SYT9: variants seen among roughly 807,000 people sequenced by gnomAD.
SYT9 encodes the protein synaptotagmin-9.
SYT9 carries 22 observed loss-of-function variants against 48.4 expected under a neutral mutation model. The ratio of observed to expected loss-of-function variants is 0.45; its 90% CI spans 0.32 to 0.65. SYT9 has a LOEUF of 0.65. Ranked by LOEUF, SYT9 falls within the 30% of genes least tolerant of loss-of-function variation. The pLI, the probability that SYT9 is intolerant of heterozygous loss-of-function variation, is 0.03. For missense variants in SYT9, 577 were observed against 622.0 expected (o/e 0.93, Z 0.77); for synonymous variants, 265 against 245.0 (o/e 1.08, Z -0.76).
In SYT9 at chr11:7,347,236, A is replaced by ATT. The variant is rs33978026; in HGVS notation, c.1044+33306_1044+33307dup. Among the ~76,000 whole-genome samples the ATT allele has an allele frequency of 5.1e-3, 766 of 149,452 alleles. 13 individuals are homozygous for ATT. In the East Asian group the frequency reaches 0.054, roughly 11 times the overall value. On this transcript the variant is annotated intron_variant, in intron 3 of 6. Transcript: ENST00000318881. The stretch of plus-strand genomic sequence containing the variant: ...GCTTTCAAACCGTTTTCATCAAAAT[A>ATT]TTTTTTTTTTTTGAGATGAAGTCTC...
In SYT9 at chr11:7,391,735, TAAAAAAAAAAAA is replaced by T. The variant is rs71059104; in HGVS notation, c.1045-24288_1045-24277del. On this transcript the variant is annotated intron_variant, in intron 3 of 6. Transcript: ENST00000318881. ...GGACAACATGGTAAAACCCCATCTC[TAAAAAAAAAAAA>T]AAAAAAAAAAAAAAAAAACCTAGCT... Among the ~76,000 whole-genome samples, 6 of 35,940 alleles carry T rather than the reference TAAAAAAAAAAAA, an allele frequency of 1.7e-4. 1 individual carries two copies. The highest frequency in any genetic ancestry group is 2.1e-3 in the East Asian group (1 of 472). The allele number at this position is 35,940 out of a possible 152,430, so 23.6% of individuals were successfully genotyped here.
chr11:7,365,399 G>A (rs1850221562), intron 3 of SYT9, among the ~76,000 whole-genome samples: 1 of 152,126 alleles, frequency 6.6e-6, no homozygotes. Flanking sequence ...GTCTTTATGA[G>A]TCTAAACTAT....
At chr11:7,314,148 A>G (rs759629205) in intron 3 of SYT9, 17 of 703,316 alleles carry the variant, frequency 2.4e-5, no homozygotes, top group Non-Finnish European at 4.3e-5. Context: ...CATGAAAACA[A>G]TATTAAAGAA....
At chr11:7,296,977 C>T (rs1320865111) in intron 1 of SYT9, among the ~76,000 whole-genome samples, 1 of 151,884 alleles carries the variant, frequency 6.6e-6, no homozygotes. Flanking sequence ...ACTAAATTTC[C>T]CAGTATTATA....
chr11:7,358,153 C>T (rs1019590568), intron 3 of SYT9, among the ~76,000 whole-genome samples: 4 of 152,140 alleles, frequency 2.6e-5, no homozygotes, highest in South Asian at 2.1e-4. Context: ...GGTTAAAGAA[C>T]GACGAATACT....
At chr11:7,304,515 C>A (rs945899330) in intron 2 of SYT9, among the ~76,000 whole-genome samples, 1 of 152,156 alleles carries the variant, frequency 6.6e-6, no homozygotes, top group South Asian at 2.1e-4. Context: ...TCTCCAGAAA[C>A]AGAAATAAGA....
At chr11:7,247,598 C>CATATATACGTGTATATATGT (rs1847808348), upstream of SYT9, among the ~76,000 whole-genome samples, 1 of 142,356 alleles carries the variant, frequency 7.0e-6, no homozygotes, top group Non-Finnish European at 1.5e-5. Flanking sequence ...TGTATATATA[C>CATATATACGTGTATATATGT]GTATATATAC....
At chr11:7,398,992 G>C (rs1046661119) in intron 3 of SYT9, among the ~76,000 whole-genome samples, 1 of 151,918 alleles carries the variant, frequency 6.6e-6, no homozygotes, top group Admixed American at 6.6e-5. Context: ...CTCCATATAG[G>C]GCCAAGACAT....
upstream of SYT9, among the ~76,000 whole-genome samples, chr11:7,251,128 A>ACC (rs1554895811): frequency 3.2e-5 from 4 of 126,482 alleles, no homozygotes; most frequent in African/African-American, 1.1e-4. Flanking sequence ...ACACACACAC[A>ACC]CACACCCAGA....
intron 6 of SYT9, chr11:7,427,516 A>G (rs1192024898): frequency 1.3e-5 from 2 of 152,202 alleles, no homozygotes; most frequent in Non-Finnish European, 2.9e-5. Flanking sequence ...AGAGATCCCA[A>G]TGGTGAATGG....
chr11:7,382,882 G>A (rs116788673), intron 3 of SYT9, among the ~76,000 whole-genome samples: 225 of 152,318 alleles, frequency 1.5e-3, no homozygotes, highest in African/African-American at 5.1e-3. Context: ...ATGGCCCTGT[G>A]AGGCTGCGGA....
At chr11:7,269,162 C>A (rs771259631) in intron 1 of SYT9, among the ~76,000 whole-genome samples, 1 of 151,488 alleles carries the variant, frequency 6.6e-6, no homozygotes, top group African/African-American at 2.4e-5. Context: ...CAATTTTGTG[C>A]TATTGTGACA....
chr11:7,335,887 G>T (rs1370553722), intron 3 of SYT9, among the ~76,000 whole-genome samples: 1 of 152,110 alleles, frequency 6.6e-6, no homozygotes, highest in Non-Finnish European at 1.5e-5. Context: ...TAGGTCAAAT[G>T]GTAGTTCTGT....
intron 6 of SYT9, among the ~76,000 whole-genome samples, chr11:7,455,016 T>A (rs1848122702): frequency 6.6e-6 from 1 of 152,234 alleles, no homozygotes; most frequent in Non-Finnish European, 1.5e-5. Flanking sequence ...CTAATAGGTT[T>A]TATTTGTTTT....
chr11:7,297,351 A>G (rs1848833126), intron 1 of SYT9, among the ~76,000 whole-genome samples: 1 of 152,224 alleles, frequency 6.6e-6, no homozygotes, highest in Admixed American at 6.5e-5. Context: ...TTATCAATTC[A>G]TAGTCAATGT....
At chr11:7,379,502 G>T (rs1417623965) in intron 3 of SYT9, among the ~76,000 whole-genome samples, 1 of 152,118 alleles carries the variant, frequency 6.6e-6, no homozygotes, top group African/African-American at 2.4e-5. Flanking sequence ...TGTGGTTTTA[G>T]ACTGTGATAG....
intron 1 of SYT9, among the ~76,000 whole-genome samples, chr11:7,274,452 G>C (rs1848351197): frequency 6.6e-6 from 1 of 151,938 alleles, no homozygotes. Flanking sequence ...GAGTAGCTGG[G>C]ATTACAGGTG....
Position 7,390,065 on chromosome 11 carries a change from A to G in SYT9, c.1045-25977A>G, listed in dbSNP as rs537344533. On this transcript the variant is annotated intron_variant, in intron 3 of 6. Coordinates refer to ENST00000318881, the MANE Select transcript of SYT9 (RefSeq NM_175733.4). ...TTTGTTACACAGGTATACGTGTGCC[A>G]TGTGGGTTTGCCGCACCCATCAACT... is the stretch of plus-strand genomic sequence containing the variant. 6.6e-4 allele frequency among the ~76,000 whole-genome samples: 101 copies of G among 152,326 alleles called. 1 individual carries two copies. In the South Asian group the frequency reaches 0.012, roughly 18 times the overall value.
At chr11:7,452,592 C>A (rs1408812721) in intron 6 of SYT9, among the ~76,000 whole-genome samples, 1 of 152,192 alleles carries the variant, frequency 6.6e-6, no homozygotes, top group African/African-American at 2.4e-5. Context: ...ACGTCCCCTT[C>A]CCTTCCAGAG....
Sources: gnomAD v4.1 joint callset for allele counts (sites outside exome capture counted in the v4.1 genomes callset) on GRCh38, gnomAD v4.1.1 for gene constraint, MANE v1.5 for transcripts, NCBI Gene and HGNC (gene_info 2026-07-23, HGNC 2026-07-21) for gene names.